TPO: variants seen among roughly 807,000 people sequenced by gnomAD.
TPO encodes thyroid microsomal antigen.
In TPO, 78 loss-of-function variants were observed where a neutral mutation model predicts 96.9. That is an observed-to-expected ratio of 0.81 (90% CI 0.67 to 0.97). The LOEUF (loss-of-function observed/expected upper bound fraction) is 0.97, where lower values mean the gene tolerates loss of function less well. Ranked by LOEUF, TPO falls within the 50% of genes least tolerant of loss-of-function variation. The pLI is 0.00. For synonymous variants in TPO, 547 were observed against 538.0 expected (o/e 1.02, Z -0.23); for missense variants, 1,252 against 1,274.8 (o/e 0.98, Z 0.27).
upstream of TPO, among the ~76,000 whole-genome samples, chr2:1,412,494 C>A (rs909389844): frequency 6.6e-6 from 1 of 152,166 alleles, no homozygotes; most frequent in African/African-American, 2.4e-5. Flanking sequence ...TATCTTCACC[C>A]ATTTGAGGGG....
chr2:1,525,606 C>CA (rs1676261481), intron 15 of TPO, among the ~76,000 whole-genome samples: 1 of 98,010 alleles, frequency 1.0e-5, no homozygotes, highest in Admixed American at 1.1e-4. Context: ...ACCACAAATC[C>CA]CCCCACTGTG....
chr2:1,384,127 G>A (rs1458353649), intron 1 of TPO, among the ~76,000 whole-genome samples: 1 of 152,192 alleles, frequency 6.6e-6, no homozygotes, highest in African/African-American at 2.4e-5. Flanking sequence ...TAGCCTTGTA[G>A]TATAGTTTGA....
chr2:1,538,145 A>T (rs1340006904), intron 15 of TPO, among the ~76,000 whole-genome samples: 3 of 136,966 alleles, frequency 2.2e-5, no homozygotes, highest in Admixed American at 7.3e-5. Flanking sequence ...CTTCTCAAAT[A>T]CCCCATACTG....
chr2:1,413,276 A>C (rs967414070), upstream of TPO, among the ~76,000 whole-genome samples: 1 of 152,136 alleles, frequency 6.6e-6, no homozygotes, highest in Non-Finnish European at 1.5e-5. Context: ...GCTGGACTGC[A>C]TGTGGACCCC....
intron 5 of TPO, among the ~76,000 whole-genome samples, chr2:1,451,319 C>A (rs750388604): frequency 6.6e-6 from 1 of 152,150 alleles, no homozygotes; most frequent in East Asian, 1.9e-4. Context: ...ACATCTAAAT[C>A]GGTCACATTT....
intron 7 of TPO, among the ~76,000 whole-genome samples, chr2:1,459,257 T>C (rs991629401): frequency 2.0e-5 from 3 of 151,750 alleles, no homozygotes; most frequent in Non-Finnish European, 2.9e-5. Context: ...GTTCAAGCAA[T>C]ACTTCTGCCT....
chr2:1,515,572 G>A (rs1393894086), intron 14 of TPO, among the ~76,000 whole-genome samples: 2 of 152,136 alleles, frequency 1.3e-5, no homozygotes, highest in Admixed American at 1.3e-4. Context: ...AGACCCATGC[G>A]AGGAAGACAG....
intron 7 of TPO, among the ~76,000 whole-genome samples, chr2:1,474,902 A>C (rs1458908401): frequency 1.8e-4 from 27 of 152,202 alleles, no homozygotes; most frequent in Non-Finnish European, 1.3e-4. Context: ...TAACTTCTGC[A>C]TGCATTAATT....
intron 15 of TPO, among the ~76,000 whole-genome samples, chr2:1,532,389 T>A (rs1237245690): frequency 9.4e-5 from 4 of 42,428 alleles, no homozygotes; most frequent in East Asian, 7.2e-4. Flanking sequence ...CCTCCTCAAA[T>A]CCCCCACCAC....
At chr2:1,538,774 C>G (rs774872857) in intron 15 of TPO, among the ~76,000 whole-genome samples, 6 of 152,152 alleles carry the variant, frequency 3.9e-5, no homozygotes, top group Non-Finnish European at 8.8e-5. Context: ...CTTAAAGCAA[C>G]AGACGTTGAT....
intron 1 of TPO, among the ~76,000 whole-genome samples, chr2:1,384,075 A>G (rs909082301): frequency 6.6e-6 from 1 of 152,070 alleles, no homozygotes; most frequent in Non-Finnish European, 1.5e-5. Flanking sequence ...CCATTGGTCT[A>G]TATCTCTGTT....
At chr2:1,396,488 G>A (rs956750350) in intron 1 of TPO, among the ~76,000 whole-genome samples, 11 of 152,194 alleles carry the variant, frequency 7.2e-5, no homozygotes, top group Non-Finnish European at 1.3e-4. Context: ...GACAGTGCTC[G>A]AATATTTTTT....
intron 1 of TPO, among the ~76,000 whole-genome samples, chr2:1,398,879 T>TG: frequency 6.6e-6 from 1 of 151,776 alleles, no homozygotes; most frequent in East Asian, 1.9e-4. Context: ...TGACAGAGGG[T>TG]GGGGGGCGCT....
intron 11 of TPO, among the ~76,000 whole-genome samples, chr2:1,495,105 C>T (rs1281297296): frequency 6.6e-6 from 1 of 152,210 alleles, no homozygotes; most frequent in African/African-American, 2.4e-5. Context: ...GGCTGAAGCG[C>T]CATCTGAAAT....
intron 8 of TPO, among the ~76,000 whole-genome samples, chr2:1,482,455 A>G (rs1670738802): frequency 6.6e-6 from 1 of 152,138 alleles, no homozygotes; most frequent in East Asian, 1.9e-4. Flanking sequence ...TGAGGCCTCT[A>G]CATGGCACCG....
At chr2:1,422,406 G>A (rs1304530476) in intron 2 of TPO, among the ~76,000 whole-genome samples, 1 of 101,178 alleles carries the variant, frequency 9.9e-6, no homozygotes, top group Non-Finnish European at 2.1e-5. Context: ...GCCATGGGGA[G>A]AGCGAGAGCC....
intron 14 of TPO, chr2:1,512,430 C>T (rs548256463): frequency 1.0e-6 from 1 of 985,476 alleles, no homozygotes; most frequent in East Asian, 1.1e-4. Flanking sequence ...AGCCCCTGAG[C>T]CCGGCCCGGA....
intron 1 of TPO, among the ~76,000 whole-genome samples, chr2:1,396,903 T>G (rs1299753480): frequency 6.6e-6 from 1 of 152,236 alleles, no homozygotes; most frequent in African/African-American, 2.4e-5. Flanking sequence ...TAATGCATTA[T>G]GTAGGAGTAA....
At chr2:1,507,002 GT>G (rs1673536800) in intron 14 of TPO, among the ~76,000 whole-genome samples, 1 of 151,910 alleles carries the variant, frequency 6.6e-6, no homozygotes, top group Non-Finnish European at 1.5e-5. Context: ...TTCTTCTAGG[GT>G]TTTTATGGTT....
Sources: gnomAD v4.1 joint callset for allele counts (sites outside exome capture counted in the v4.1 genomes callset) on GRCh38, gnomAD v4.1.1 for gene constraint, MANE v1.5 for transcripts, NCBI Gene and HGNC (gene_info 2026-07-23, HGNC 2026-07-21) for gene names.